Variants in KIAA1328 observed in about 807,000 individuals in gnomAD.
KIAA1328 encodes the protein KIAA1328, also known as protein hinderin.
A neutral mutation model predicts 68.1 loss-of-function variants in KIAA1328; 52 were observed. The ratio of observed to expected loss-of-function variants is 0.76; its 90% CI spans 0.61 to 0.96. KIAA1328 has a LOEUF of 0.96. Ranked by LOEUF, KIAA1328 falls within the 40% of genes least tolerant of loss-of-function variation. KIAA1328 has a pLI of 0.00. For synonymous variants in KIAA1328, 232 were observed against 239.4 expected, an observed-to-expected ratio of 0.97 and a Z score of 0.28; for missense variants, 641 against 677.6, an observed-to-expected ratio of 0.95 and a Z score of 0.60.
At chr18:36,897,663 G>T (rs1779477543) in intron 5 of KIAA1328, among the ~76,000 whole-genome samples, 1 of 152,010 alleles carries the variant, frequency 6.6e-6, no homozygotes, top group African/African-American at 2.4e-5. Flanking sequence ...AGCCACCTCT[G>T]TCTTACTATA....
intron 1 of KIAA1328, among the ~76,000 whole-genome samples, chr18:36,833,686 G>A (rs1045781297): frequency 1.3e-5 from 2 of 152,204 alleles, no homozygotes; most frequent in African/African-American, 4.8e-5. Context: ...GGATCAAGGT[G>A]ACAGTTGAAA....
At chr18:36,874,592 G>A (rs1003529506) in intron 4 of KIAA1328, among the ~76,000 whole-genome samples, 3 of 152,196 alleles carry the variant, frequency 2.0e-5, no homozygotes, top group African/African-American at 7.2e-5. Context: ...CCCTTTGTCA[G>A]ATGGATAGAT....
chr18:37,025,624 C>T (rs2054539600), intron 6 of KIAA1328, among the ~76,000 whole-genome samples: 1 of 152,180 alleles, frequency 6.6e-6, no homozygotes, highest in Admixed American at 6.5e-5. Flanking sequence ...TGAATGACTA[C>T]TGGGTACATA....
At chr18:37,055,450 G>A (rs1047977659) in intron 6 of KIAA1328, among the ~76,000 whole-genome samples, 1 of 152,180 alleles carries the variant, frequency 6.6e-6, no homozygotes, top group East Asian at 1.9e-4. Context: ...ATGCTTAGAA[G>A]GTAATCTACC....
intron 5 of KIAA1328, among the ~76,000 whole-genome samples, chr18:36,891,899 G>A (rs1051850770): frequency 6.6e-6 from 1 of 152,154 alleles, no homozygotes; most frequent in African/African-American, 2.4e-5. Context: ...TACATTAAAG[G>A]AACTAGCCTT....
At chr18:37,000,735 G>A (rs1446746935) in intron 6 of KIAA1328, among the ~76,000 whole-genome samples, 1 of 151,222 alleles carries the variant, frequency 6.6e-6, no homozygotes, top group Non-Finnish European at 1.5e-5. Context: ...AATACCAAGA[G>A]GAACTCTGGA....
At chr18:37,227,535 G>T (rs1339625907), downstream of KIAA1328, among the ~76,000 whole-genome samples, 1 of 152,214 alleles carries the variant, frequency 6.6e-6, no homozygotes, top group Non-Finnish European at 1.5e-5. Context: ...TATTCAGAAT[G>T]ATGCTAAATC....
chr18:36,867,085 T>G (rs181238961), intron 4 of KIAA1328, among the ~76,000 whole-genome samples: 50 of 152,246 alleles, frequency 3.3e-4, no homozygotes, highest in African/African-American at 1.2e-3. Context: ...CCAAATCTCA[T>G]GTTGAAATGT....
intron 6 of KIAA1328, among the ~76,000 whole-genome samples, chr18:36,962,558 T>C (rs185781429): frequency 0.013 from 2,016 of 152,192 alleles, 47 homozygotes; most frequent in Admixed American, 0.064. Flanking sequence ...TAAAATTGAC[T>C]ACGTAATTGG....
At chr18:37,106,180 G>A (rs980373632) in intron 7 of KIAA1328, among the ~76,000 whole-genome samples, 4 of 151,986 alleles carry the variant, frequency 2.6e-5, no homozygotes, top group East Asian at 1.9e-4. Flanking sequence ...TGGAATATTT[G>A]TCAATAAAAA....
At chr18:36,995,445 A>G (rs1161830309) in intron 6 of KIAA1328, among the ~76,000 whole-genome samples, 1 of 151,984 alleles carries the variant, frequency 6.6e-6, no homozygotes, top group Admixed American at 6.6e-5. Flanking sequence ...CCACTTTCTA[A>G]CATTCAAAGT....
At chr18:37,116,244 T>C (rs1305251964) in intron 7 of KIAA1328, among the ~76,000 whole-genome samples, 1 of 152,212 alleles carries the variant, frequency 6.6e-6, no homozygotes, top group Non-Finnish European at 1.5e-5. Flanking sequence ...GGCATCATGC[T>C]ACCTGACTTC....
chr18:37,141,006 A>T (rs74834997), intron 7 of KIAA1328, among the ~76,000 whole-genome samples: 1 of 152,150 alleles, frequency 6.6e-6, no homozygotes, highest in African/African-American at 2.4e-5. Flanking sequence ...TAATTTACAT[A>T]GTTCTTAATT....
At chr18:37,124,411 A>G (rs1290409581) in intron 7 of KIAA1328, among the ~76,000 whole-genome samples, 1 of 151,858 alleles carries the variant, frequency 6.6e-6, no homozygotes, top group Non-Finnish European at 1.5e-5. Context: ...CTCCGTTATC[A>G]TGACTTCCAT....
At chr18:36,982,518 A>G (rs978197171) in intron 6 of KIAA1328, among the ~76,000 whole-genome samples, 1 of 151,996 alleles carries the variant, frequency 6.6e-6, no homozygotes, top group Non-Finnish European at 1.5e-5. Context: ...AAAAATGTCA[A>G]CATCAAATTC....
intron 6 of KIAA1328, among the ~76,000 whole-genome samples, chr18:36,979,205 AAAAG>A (rs36029297): frequency 0.59 from 89,923 of 151,298 alleles, 28,539 homozygotes; most frequent in East Asian, 0.87. Context: ...GAATAAAATA[AAAAG>A]AAAGAAGGTT....
At chr18:37,189,954 T>C (rs1272504644) in intron 9 of KIAA1328, among the ~76,000 whole-genome samples, 5 of 152,228 alleles carry the variant, frequency 3.3e-5, no homozygotes, top group Non-Finnish European at 5.9e-5. Context: ...ATTTAGTATA[T>C]TTCCTTCCAG....
At chr18:37,010,475 T>C (rs965591981) in intron 6 of KIAA1328, among the ~76,000 whole-genome samples, 14 of 126,280 alleles carry the variant, frequency 1.1e-4, no homozygotes, top group African/African-American at 3.9e-4. Context: ...AAAAAAGATA[T>C]CCTAAAAGGA....
chr18:37,076,889 G>A (rs1365488198), intron 7 of KIAA1328, among the ~76,000 whole-genome samples: 4 of 152,034 alleles, frequency 2.6e-5, no homozygotes, highest in East Asian at 1.9e-4. Context: ...ATTCACAGCC[G>A]AATTCTACCA....
Sources: gnomAD v4.1 joint callset for allele counts (sites outside exome capture counted in the v4.1 genomes callset) on GRCh38, gnomAD v4.1.1 for gene constraint, MANE v1.5 for transcripts, NCBI Gene and HGNC (gene_info 2026-07-23, HGNC 2026-07-21) for gene names.